EPHA6: variants seen among roughly 807,000 people sequenced by gnomAD.
EPHA6 encodes the protein EPH receptor A6.
Under a neutral mutation model 112.0 loss-of-function variants are expected in EPHA6, and 50 were observed. The observed-to-expected ratio is 0.45, with a 90% CI of 0.36 to 0.56. EPHA6 has a LOEUF of 0.56. Among genes scored for constraint, EPHA6 ranks in the 20% least tolerant of loss-of-function variants. The pLI, the probability that EPHA6 is intolerant of heterozygous loss-of-function variation, is 0.00. For missense variants in EPHA6, 1,280 were observed against 1,417.4 expected, an observed-to-expected ratio of 0.90 and a Z score of 1.56; for synonymous variants, 529 against 490.7, an observed-to-expected ratio of 1.08 and a Z score of -1.03.
At chr3:97,564,865 G>A (rs1334905604) in intron 11 of EPHA6, among the ~76,000 whole-genome samples, 3 of 152,086 alleles carry the variant, frequency 2.0e-5, no homozygotes, top group African/African-American at 7.2e-5. Context: ...GAGAATGAAA[G>A]CTTAGGCATG....
intron 5 of EPHA6, among the ~76,000 whole-genome samples, chr3:97,302,641 G>T (rs2081141779): frequency 6.6e-6 from 1 of 151,714 alleles, no homozygotes; most frequent in Non-Finnish European, 1.5e-5. Context: ...TGTCAGAAAT[G>T]CAATAACACT....
chr3:97,056,699 T>C (rs2108105590), intron 3 of EPHA6, among the ~76,000 whole-genome samples: 1 of 152,262 alleles, frequency 6.6e-6, no homozygotes, highest in Middle Eastern at 3.4e-3. Context: ...AGTAGAAGTG[T>C]TTTAACATAG....
chr3:97,134,309 A>G (rs1187119226), intron 3 of EPHA6, among the ~76,000 whole-genome samples: 1 of 152,136 alleles, frequency 6.6e-6, no homozygotes, highest in Non-Finnish European at 1.5e-5. Flanking sequence ...AAGGCAAATT[A>G]GTAGTTCCTA....
At chr3:97,251,808 A>C (rs983809166) in intron 5 of EPHA6, among the ~76,000 whole-genome samples, 1 of 152,098 alleles carries the variant, frequency 6.6e-6, no homozygotes, top group Non-Finnish European at 1.5e-5. Flanking sequence ...AAAATGCGGG[A>C]CCCTTTGTTC....
rs796949057 is a variant in EPHA6 at position 97,754,992 on chromosome 3, C to T, written c.*6291C>T. Reference sequence around the variant, plus strand: ...TGGTGGGATTACAGGCGTGAGCCACCGCGCCCGGCCACAAAGTTTTCTTTT... The same window carrying T: ...TGGTGGGATTACAGGCGTGAGCCACTGCGCCCGGCCACAAAGTTTTCTTTT... On this transcript the variant is annotated 3_prime_UTR_variant, in exon 18 of 18. Coordinates refer to ENST00000389672, the MANE Select transcript of EPHA6 (RefSeq NM_001080448.3). 3.3e-5 allele frequency among the ~76,000 whole-genome samples: 5 copies of T among 152,284 alleles called. No individual in the cohort carries two copies. The highest frequency in any genetic ancestry group is 1.2e-4 in the African/African-American group (5 of 41,560).
At chr3:97,428,735 A>T (rs2089314627) in intron 6 of EPHA6, among the ~76,000 whole-genome samples, 1 of 140,452 alleles carries the variant, frequency 7.1e-6, no homozygotes, top group African/African-American at 3.3e-5. Context: ...AGCTTCAAGG[A>T]TTACCTGAAG....
chr3:97,406,758 A>T (rs1475436064), intron 6 of EPHA6, among the ~76,000 whole-genome samples: 2 of 152,134 alleles, frequency 1.3e-5, no homozygotes, highest in Non-Finnish European at 2.9e-5. Flanking sequence ...TCCATAGCCT[A>T]AGAAAGGACA....
chr3:96,822,368 T>C (rs888216132), intron 1 of EPHA6, among the ~76,000 whole-genome samples: 1 of 151,868 alleles, frequency 6.6e-6, no homozygotes, highest in Non-Finnish European at 1.5e-5. Flanking sequence ...TTTGTGAGAA[T>C]TGGGATGAAA....
At position 97,195,017 on chromosome 3, in the gene EPHA6, A is replaced by C. The variant is rs537312160; in HGVS notation, c.1115-31247A>C. On this transcript the variant is annotated intron_variant, in intron 3 of 17. Transcript: ENST00000389672. ...CTCATTTTTTTTGTTTTGTTTTTTA[A>C]TCCATTCAGGCACCTTATGTCTTTT... Among the ~76,000 whole-genome samples the C allele has an allele frequency of 4.0e-5, 6 of 151,788 alleles. No individual in the cohort carries two copies. In the East Asian group the frequency reaches 7.8e-4, roughly 20 times the overall value.
chr3:96,992,050 A>C (rs2043236029), intron 3 of EPHA6, among the ~76,000 whole-genome samples: 1 of 151,988 alleles, frequency 6.6e-6, no homozygotes, highest in Non-Finnish European at 1.5e-5. Context: ...TTGCCGCTGC[A>C]CTCTTAGTCA....
At chr3:97,236,830 A>G (rs2078692753) in intron 4 of EPHA6, among the ~76,000 whole-genome samples, 1 of 152,070 alleles carries the variant, frequency 6.6e-6, no homozygotes, top group Non-Finnish European at 1.5e-5. Flanking sequence ...TACTCTGCGT[A>G]GAGCAAATGG....
chr3:97,449,325 C>G (rs186864736), intron 7 of EPHA6, among the ~76,000 whole-genome samples: 19 of 152,182 alleles, frequency 1.2e-4, no homozygotes, highest in Admixed American at 1.2e-3. Flanking sequence ...CCAATGAACT[C>G]TTTTTGGCCT....
Position 96,814,850 on chromosome 3 carries a change from G to A in EPHA6, c.227G>A (p.Cys76Tyr). 6.4e-7 allele frequency: 1 copy of A among 1,564,154 alleles called. No individual in the cohort carries two copies. Among genetic ancestry groups the A allele is most frequent in the Non-Finnish European group, 8.7e-7 (1 of 1,154,184 alleles). Residue 76 changes from cysteine to tyrosine, a missense_variant, in exon 1 of 18, where the codon TGC (cysteine) becomes TAC (tyrosine). Around this residue, in one of 4 missense-constraint regions of EPHA6, gnomAD observed 220 missense variants for 171.5 expected, o/e 1.28. Transcript: ENST00000389672. Reference protein sequence around the residue: ...DKDPHPTQNTCLRCRHFSLRE... With the variant: ...DKDPHPTQNTYLRCRHFSLRE... ...GACCCCCATCCTACCCAGAACACCTGCCTGCGCTGCCGCCACTTCTCTTTA... is the reference window on the plus strand; with the variant it reads ...GACCCCCATCCTACCCAGAACACCTACCTGCGCTGCCGCCACTTCTCTTTA...
At chr3:97,364,697 C>G (rs977409800) in intron 5 of EPHA6, among the ~76,000 whole-genome samples, 2 of 151,698 alleles carry the variant, frequency 1.3e-5, no homozygotes, top group African/African-American at 4.9e-5. Context: ...GGAACAATTT[C>G]TAAAATAAAA....
At chr3:97,338,764 A>G (rs539899342) in intron 5 of EPHA6, among the ~76,000 whole-genome samples, 1 of 152,290 alleles carries the variant, frequency 6.6e-6, no homozygotes, top group African/African-American at 2.4e-5. Flanking sequence ...CCCGAAGTCT[A>G]CTATTGTCAG....
At chr3:97,172,448 G>A (rs564719179) in intron 3 of EPHA6, among the ~76,000 whole-genome samples, 1 of 152,098 alleles carries the variant, frequency 6.6e-6, no homozygotes, top group African/African-American at 2.4e-5. Context: ...GGAATAGATA[G>A]TTCAAGCAAA....
intron 2 of EPHA6, among the ~76,000 whole-genome samples, chr3:96,887,230 G>C (rs1219883418): frequency 1.3e-5 from 2 of 152,162 alleles, no homozygotes; most frequent in Non-Finnish European, 2.9e-5. Flanking sequence ...CTGTCAGAGG[G>C]AGGTTCTAAG....
intron 3 of EPHA6, among the ~76,000 whole-genome samples, chr3:97,002,968 A>T (rs944246509): frequency 6.6e-6 from 1 of 152,188 alleles, no homozygotes; most frequent in Non-Finnish European, 1.5e-5. Context: ...TGAAGTAGTA[A>T]AACAATGGTG....
intron 2 of EPHA6, among the ~76,000 whole-genome samples, chr3:96,877,695 T>C (rs2037055775): frequency 6.7e-6 from 1 of 148,308 alleles, no homozygotes; most frequent in African/African-American, 2.5e-5. Context: ...GTATTTTGAA[T>C]TAATGTACCA....
Sources: gnomAD v4.1 joint callset for allele counts (sites outside exome capture counted in the v4.1 genomes callset) on GRCh38, gnomAD v4.1.1 for gene constraint, gnomAD v4.1.1 regional missense constraint, MANE v1.5 for transcripts, NCBI Gene and HGNC (gene_info 2026-07-23, HGNC 2026-07-21) for gene names.